Variants in RABEPK observed in about 807,000 individuals in gnomAD.
RABEPK encodes Rab9 effector protein with kelch motifs.
RABEPK carries 27 observed loss-of-function variants against 34.1 expected under a neutral mutation model. The observed-to-expected ratio is 0.79, with a 90% CI of 0.58 to 1.09. The LOEUF is 1.09. Among genes scored for constraint, RABEPK ranks in the 50% least tolerant of loss-of-function variants. The pLI, the probability that RABEPK is intolerant of heterozygous loss-of-function variation, is 0.00. For synonymous variants in RABEPK, 172 were observed against 169.2 expected (o/e 1.02, Z -0.13); for missense variants, 449 against 462.6 (o/e 0.97, Z 0.27).
At position 125,202,992 on chromosome 9, in the gene RABEPK, T is replaced by C; in HGVS notation, c.-6-16T>C. ...ATCATAAGTGTCTAAAAAGTGCCTT[T>C]CTTTCTTATGCATAGGACACCATGA... is the stretch of plus-strand genomic sequence containing the variant. On this transcript the variant is annotated splice_polypyrimidine_tract_variant and intron_variant, in intron 1 of 7. Transcript: ENST00000373538. The C allele has an allele frequency of 6.2e-7, 1 of 1,612,184 alleles. No homozygotes were observed. Among genetic ancestry groups the C allele is most frequent in the Non-Finnish European group, 8.5e-7 (1 of 1,178,562 alleles).
intron 5 of RABEPK, among the ~76,000 whole-genome samples, chr9:125,225,442 G>A (rs1831664802): frequency 6.6e-6 from 1 of 152,034 alleles, no homozygotes; most frequent in South Asian, 2.1e-4. Flanking sequence ...CCAGCACTTT[G>A]GGAGGCCCAG....
At chr9:125,201,936 T>TA (rs899247700) in intron 1 of RABEPK, among the ~76,000 whole-genome samples, 35 of 146,288 alleles carry the variant, frequency 2.4e-4, no homozygotes, top group Admixed American at 2.0e-3. Context: ...AATTAAAAAA[T>TA]AAATAAATGG....
At chr9:125,231,280 T>G (rs899296326) in intron 6 of RABEPK, among the ~76,000 whole-genome samples, 2 of 150,572 alleles carry the variant, frequency 1.3e-5, no homozygotes, top group African/African-American at 4.9e-5. Context: ...GGTAACAGAG[T>G]GAGACTCTGT....
chr9:125,201,881 G>C (rs999535393), intron 1 of RABEPK, among the ~76,000 whole-genome samples: 4 of 150,832 alleles, frequency 2.7e-5, no homozygotes, highest in Non-Finnish European at 5.9e-5. Context: ...CAAAGTGCTG[G>C]GATTACAGGC....
Position 125,200,774 on chromosome 9 carries a change from C to G in RABEPK, c.-139C>G, listed in dbSNP as rs1257301367. On this transcript the variant is annotated 5_prime_UTR_variant, in exon 1 of 8. Coordinates refer to ENST00000373538, the MANE Select transcript of RABEPK (RefSeq NM_005833.4). ...TTCTTTCCCGACCCCGTCTCCTATC[C>G]CCTAGAACTGCCACGTGGGGATGAG... 4 of 471,248 alleles carry G rather than the reference C, an allele frequency of 8.5e-6. No individual in the cohort carries two copies. In the Middle Eastern group the frequency reaches 9.7e-4, roughly 115 times the overall value. 29.2% of individuals were successfully genotyped at this position (471,248 alleles called of 1,614,324 possible).
chr9:125,210,886 G>A (rs1830550424), intron 3 of RABEPK, among the ~76,000 whole-genome samples: 1 of 144,848 alleles, frequency 6.9e-6, no homozygotes, highest in South Asian at 2.2e-4. Context: ...CACCCAGGCT[G>A]GAGTGCAGAG....
At chr9:125,204,824 T>C (rs1830117222) in intron 2 of RABEPK, among the ~76,000 whole-genome samples, 1 of 151,698 alleles carries the variant, frequency 6.6e-6, no homozygotes, top group Non-Finnish European at 1.5e-5. Flanking sequence ...TCCCAGCTTA[T>C]TTTATTTTAT....
chr9:125,203,718 C>A lies in RABEPK; in HGVS notation c.53+652C>A, dbSNP rs529451909. Among the ~76,000 whole-genome samples the A allele has an allele frequency of 2.6e-5, 4 of 152,252 alleles. No individual in the cohort carries two copies. The East Asian group carries it at 7.7e-4, about 29-fold the overall frequency. Reference sequence around the variant, plus strand: ...CTAGTTTAAAACCCTTTTGTGCCTCCCTGTTGGTGTTGGGATAAAAATCAG... The same window carrying A: ...CTAGTTTAAAACCCTTTTGTGCCTCACTGTTGGTGTTGGGATAAAAATCAG... On this transcript the variant is annotated intron_variant, in intron 2 of 7. Coordinates refer to ENST00000373538, the MANE Select transcript of RABEPK (RefSeq NM_005833.4).
chr9:125,233,089 A>G (rs901814134), intron 7 of RABEPK, among the ~76,000 whole-genome samples: 151 of 151,722 alleles, frequency 1.0e-3, no homozygotes, highest in African/African-American at 2.8e-3. Context: ...AAAAAAAAAA[A>G]AAAGAAAGAA....
intron 4 of RABEPK, 53 bp downstream of exon 4, chr9:125,213,575 A>G (rs1054369544): frequency 2.9e-5 from 35 of 1,204,286 alleles, no homozygotes; most frequent in Middle Eastern, 4.2e-4. Flanking sequence ...ACTTTCATGC[A>G]CACACACACA....
At chr9:125,221,939 G>A (rs1297611629) in intron 5 of RABEPK, 1 of 151,976 alleles carries the variant, frequency 6.6e-6, no homozygotes, top group Non-Finnish European at 1.5e-5. Context: ...GCCTCCCAAA[G>A]TGCTGGGATT....
At chr9:125,211,076 TA>T (rs1240248314) in intron 3 of RABEPK, among the ~76,000 whole-genome samples, 32 of 141,842 alleles carry the variant, frequency 2.3e-4, no homozygotes, top group Admixed American at 2.8e-4. Flanking sequence ...CTACTAAAAA[TA>T]AAAAAAAAAA....
intron 6 of RABEPK, among the ~76,000 whole-genome samples, chr9:125,231,817 T>A (rs1832199358): frequency 6.6e-6 from 1 of 151,606 alleles, no homozygotes; most frequent in South Asian, 2.1e-4. Flanking sequence ...TAATAGAAAT[T>A]TCATAGGGCT....
intron 4 of RABEPK, among the ~76,000 whole-genome samples, chr9:125,219,316 C>A (rs1475368195): frequency 6.7e-6 from 1 of 149,212 alleles, no homozygotes; most frequent in Non-Finnish European, 1.5e-5. Flanking sequence ...CCTGCCTTGG[C>A]TTCCCAAAGT....
At position 125,213,500 on chromosome 9, in the gene RABEPK, T is replaced by G; in HGVS notation, c.342T>G (p.Asn114Lys). ...FGGANQSGNRNCLQVLNPETR... is the reference protein window; with the variant it reads ...FGGANQSGNRKCLQVLNPETR... ...GTGCCAACCAATCAGGAAATCGAAA[T>G]TGTCTACAAGTCCTGAATCCTGGTA... The change falls in exon 4 of 8, where the codon AAT becomes AAG. Residue 114 changes from asparagine to lysine, a missense_variant. Coordinates refer to ENST00000373538, the MANE Select transcript of RABEPK (RefSeq NM_005833.4). The G allele has an allele frequency of 2.5e-6, 4 of 1,614,004 alleles. No homozygotes were observed. The highest frequency in any genetic ancestry group is 2.5e-6 in the Non-Finnish European group (3 of 1,179,992).
intron 2 of RABEPK, among the ~76,000 whole-genome samples, chr9:125,206,295 G>C (rs1445909525): frequency 1.3e-5 from 2 of 152,046 alleles, no homozygotes; most frequent in Non-Finnish European, 2.9e-5. Context: ...TTGAGGCTGG[G>C]AGTTCAAGGC....
chr9:125,214,311 A>G (rs923168384), intron 4 of RABEPK, among the ~76,000 whole-genome samples: 1 of 152,062 alleles, frequency 6.6e-6, no homozygotes, highest in Non-Finnish European at 1.5e-5. Context: ...AGCGTGGGCT[A>G]CTGGCTTCTA....
chr9:125,220,475 C>A, intron 4 of RABEPK, 64 bp from the exon 5 acceptor site: 1 of 1,538,462 alleles, frequency 6.5e-7, no homozygotes, highest in Non-Finnish European at 8.7e-7. Flanking sequence ...CACTCAGCCC[C>A]AGAGTCAAGG....
chr9:125,211,924 G>A (rs1035789273), intron 3 of RABEPK, among the ~76,000 whole-genome samples: 7 of 151,960 alleles, frequency 4.6e-5, no homozygotes, highest in East Asian at 3.9e-4. Flanking sequence ...AGCCGAGATC[G>A]CGCCAGTGCG....
Sources: allele counts gnomAD v4.1 joint callset (sites outside exome capture counted in the v4.1 genomes callset), GRCh38; gene constraint gnomAD v4.1.1; transcripts MANE v1.5; gene names NCBI Gene and HGNC (gene_info 2026-07-23, HGNC 2026-07-21).